RPH3A: variants seen among roughly 807,000 people sequenced by gnomAD.
RPH3A encodes rabphilin 3A.
RPH3A carries 48 observed loss-of-function variants against 102.2 expected under a neutral mutation model. That is an observed-to-expected ratio of 0.47 (90% CI 0.37 to 0.60). The LOEUF (loss-of-function observed/expected upper bound fraction) is 0.60, where lower values mean the gene tolerates loss of function less well. RPH3A is among the 20% of genes least tolerant of loss of function. The pLI is 0.00. For synonymous variants in RPH3A, 310 were observed against 324.3 expected, an observed-to-expected ratio of 0.96 and a Z score of 0.47; for missense variants, 781 against 910.1, an observed-to-expected ratio of 0.86 and a Z score of 1.83.
At chr12:112,672,669 T>G (rs1221989255) in intron 1 of RPH3A, among the ~76,000 whole-genome samples, 1 of 152,196 alleles carries the variant, frequency 6.6e-6, no homozygotes, top group South Asian at 2.1e-4. Flanking sequence ...CCTGGGGGCA[T>G]GCTCACTTGT....
intron 1 of RPH3A, among the ~76,000 whole-genome samples, chr12:112,639,789 CAG>C (rs1162418086): frequency 6.6e-6 from 1 of 152,166 alleles, no homozygotes; most frequent in Admixed American, 6.5e-5. Flanking sequence ...ACCTTTATCA[CAG>C]GGGTAGGTGA....
At chr12:112,748,477 G>A (rs1456173322) in intron 1 of RPH3A, among the ~76,000 whole-genome samples, 5 of 152,104 alleles carry the variant, frequency 3.3e-5, no homozygotes, top group Non-Finnish European at 7.4e-5. Context: ...AGGACTACTG[G>A]CACATGCCAC....
chr12:112,883,669 G>A (rs1321222179), intron 16 of RPH3A, among the ~76,000 whole-genome samples: 1 of 152,030 alleles, frequency 6.6e-6, no homozygotes, highest in African/African-American at 2.4e-5. Flanking sequence ...GCGTGTGTGG[G>A]TGTGTATGTA....
At chr12:112,632,839 G>A (rs1399013122) in intron 1 of RPH3A, among the ~76,000 whole-genome samples, 1 of 152,140 alleles carries the variant, frequency 6.6e-6, no homozygotes, top group African/African-American at 2.4e-5. Flanking sequence ...AGTCTGAGAG[G>A]TGGGCAGGCC....
At chr12:112,688,030 G>A (rs908817588) in intron 1 of RPH3A, among the ~76,000 whole-genome samples, 1 of 152,174 alleles carries the variant, frequency 6.6e-6, no homozygotes, top group African/African-American at 2.4e-5. Context: ...CTTATTCAGT[G>A]TCATTTCTGA....
At chr12:112,613,493 C>A (rs1038831457) in intron 1 of RPH3A, among the ~76,000 whole-genome samples, 1 of 152,078 alleles carries the variant, frequency 6.6e-6, no homozygotes. Flanking sequence ...ATGTTACCTT[C>A]CAGCAAAAGG....
chr12:112,621,985 G>C (rs1291365394), intron 1 of RPH3A, among the ~76,000 whole-genome samples: 54 of 150,968 alleles, frequency 3.6e-4, no homozygotes, highest in African/African-American at 1.3e-3. Flanking sequence ...CAACAGACCT[G>C]CAGCTGAGGG....
chr12:112,628,568 CAAAAAAAAAAAAAAAAAAAAAAAA>C (rs771688201), intron 1 of RPH3A, among the ~76,000 whole-genome samples: 228 of 27,046 alleles, frequency 8.4e-3, no homozygotes, highest in South Asian at 0.08. Flanking sequence ...GTCTTTACCA[CAAAAAAAAAAAAAAAAAAAAAAAA>C]AAAAAAAAAA....
intron 2 of RPH3A, among the ~76,000 whole-genome samples, chr12:112,806,827 T>A (rs1319671183): frequency 6.6e-6 from 1 of 152,012 alleles, no homozygotes; most frequent in Admixed American, 6.6e-5. Context: ...AATGGCTGTA[T>A]AATGATAAAT....
intron 2 of RPH3A, among the ~76,000 whole-genome samples, chr12:112,803,673 A>G (rs1331865165): frequency 2.0e-5 from 3 of 152,248 alleles, no homozygotes; most frequent in Non-Finnish European, 4.4e-5. Flanking sequence ...AATAAATAAT[A>G]AGGCTCTACA....
intron 2 of RPH3A, among the ~76,000 whole-genome samples, chr12:112,802,023 T>C (rs2041364477): frequency 6.6e-6 from 1 of 152,218 alleles, no homozygotes; most frequent in Admixed American, 6.5e-5. Flanking sequence ...TTCTCCATTT[T>C]TCTTATGTGA....
In RPH3A at chr12:112,833,897, GT is replaced by G. The variant is rs998325775; in HGVS notation, c.72-2585del. On this transcript the variant is annotated intron_variant, in intron 3 of 21. Transcript: ENST00000389385. ...GGTGCACATTACTGCACCTGGATAA[GT>G]TTTTTTTTAAATAGAGATGAGGTCT... 4.0e-5 allele frequency among the ~76,000 whole-genome samples: 6 copies of G among 151,556 alleles called. No homozygotes were observed. In the East Asian group the frequency reaches 7.8e-4, roughly 20 times the overall value.
rs535217123 is a variant in RPH3A, at chr12:112,753,151, A to G, written c.-139-38992A>G. ...TAATCTCTGTCCTCAGAAAGGCCCC[A>G]GCTAGACAAACAAACACGATTCCAC... On this transcript the variant is annotated intron_variant, in intron 1 of 21. Transcript: ENST00000543106. Among the ~76,000 whole-genome samples, 129 of 152,190 alleles carry G rather than the reference A, an allele frequency of 8.5e-4. 1 individual carries two copies. The Middle Eastern group carries it at 0.027, about 32-fold the overall frequency.
chr12:112,736,890 C>T (rs189231283), intron 1 of RPH3A, among the ~76,000 whole-genome samples: 49 of 152,260 alleles, frequency 3.2e-4, no homozygotes, highest in Non-Finnish European at 1.0e-4. Context: ...CACAGTGGCT[C>T]ATGCCTGTAA....
rs901644986 is a variant in RPH3A, at chr12:112,715,737, C to T, written c.-139-76406C>T. On this transcript the variant is annotated intron_variant, in intron 1 of 21. Transcript: ENST00000543106. ...ATGTTACCGGAAAGGGGTCCCAATC[C>T]GGACCCCAAGAGAGGGTTCTTGGAT... Among the ~76,000 whole-genome samples, 21 of 152,200 alleles carry T rather than the reference C, an allele frequency of 1.4e-4. No homozygotes were observed. The East Asian group carries it at 3.5e-3, about 25-fold the overall frequency.
At chr12:112,624,338 A>G (rs980503163) in intron 1 of RPH3A, among the ~76,000 whole-genome samples, 1 of 151,302 alleles carries the variant, frequency 6.6e-6, no homozygotes, top group African/African-American at 2.4e-5. Flanking sequence ...AAAAAAGAAG[A>G]ATCAAATAGA....
chr12:112,705,397 CCTACTCAGAGTAACT>C (rs1338795917), intron 1 of RPH3A, among the ~76,000 whole-genome samples: 2 of 152,130 alleles, frequency 1.3e-5, no homozygotes, highest in African/African-American at 4.8e-5. Flanking sequence ...ATTCTTGCCA[CCTACTCAGAGTAACT>C]CTACTCCTTA....
chr12:112,720,413 G>C (rs896814730), intron 1 of RPH3A, among the ~76,000 whole-genome samples: 11 of 152,188 alleles, frequency 7.2e-5, no homozygotes, highest in African/African-American at 2.7e-4. Flanking sequence ...TGGCCATATT[G>C]TTTCTTTGTT....
At chr12:112,738,765 G>T (rs1035389015) in intron 1 of RPH3A, among the ~76,000 whole-genome samples, 66 of 152,196 alleles carry the variant, frequency 4.3e-4, no homozygotes, top group African/African-American at 1.6e-3. Context: ...ACTCCATGCT[G>T]AACTTGTGCC....
Sources: gnomAD v4.1 joint callset for allele counts (sites outside exome capture counted in the v4.1 genomes callset) on GRCh38, gnomAD v4.1.1 for gene constraint, MANE v1.5 for transcripts, NCBI Gene and HGNC (gene_info 2026-07-23, HGNC 2026-07-21) for gene names.